The following EYA2 variants were observed in gnomAD, a reference collection of about 807,000 sequenced individuals.
EYA2 encodes protein phosphatase EYA2.
A neutral mutation model predicts 69.2 loss-of-function variants in EYA2; 31 were observed. The ratio of observed to expected loss-of-function variants is 0.45; its 90% confidence interval spans 0.34 to 0.60. The LOEUF (loss-of-function observed/expected upper bound fraction) is 0.60. Among genes scored for constraint, EYA2 ranks in the 20% least tolerant of loss-of-function variants. EYA2 has a pLI of 0.02. For missense variants in EYA2, 622 were observed against 701.2 expected (o/e 0.89, Z 1.28); for synonymous variants, 257 against 279.4 (o/e 0.92, Z 0.80).
chr20:47,110,917 C>T (rs2032732144), intron 9 of EYA2, among the ~76,000 whole-genome samples: 2 of 152,232 alleles, frequency 1.3e-5, no homozygotes, highest in South Asian at 2.1e-4. Context: ...GAGCCTGGCC[C>T]ACAGCAGGGT....
chr20:46,955,277 G>A (rs578233434), intron 1 of EYA2, among the ~76,000 whole-genome samples: 6 of 152,148 alleles, frequency 3.9e-5, no homozygotes, highest in South Asian at 2.1e-4. Context: ...GATTACAGGC[G>A]TGAGCCACCA....
intron 12 of EYA2, among the ~76,000 whole-genome samples, chr20:47,179,296 G>T (rs536481397): frequency 7.4e-6 from 1 of 134,232 alleles, no homozygotes; most frequent in Non-Finnish European, 1.6e-5. Flanking sequence ...ATGGGTGGAT[G>T]GGTGGGTGGG....
chr20:46,996,669 A>T (rs756144429), intron 2 of EYA2, among the ~76,000 whole-genome samples: 4 of 152,184 alleles, frequency 2.6e-5, no homozygotes, highest in East Asian at 1.9e-4. Context: ...GCCTTGGCTC[A>T]CTGTATTAGT....
intron 9 of EYA2, among the ~76,000 whole-genome samples, chr20:47,124,331 C>CT (rs2033124809): frequency 6.6e-6 from 1 of 152,122 alleles, no homozygotes; most frequent in Middle Eastern, 3.2e-3. Flanking sequence ...AAGATGGAGT[C>CT]TTTTTCTAAG....
chr20:47,141,542 G>A (rs529546253), intron 9 of EYA2, among the ~76,000 whole-genome samples: 19 of 152,300 alleles, frequency 1.2e-4, no homozygotes, highest in African/African-American at 4.6e-4. Flanking sequence ...GTAAGGGCAT[G>A]CTGCAGTAAC....
chr20:46,969,307 T>C (rs1304393761), intron 1 of EYA2, among the ~76,000 whole-genome samples: 1 of 152,114 alleles, frequency 6.6e-6, no homozygotes, highest in Non-Finnish European at 1.5e-5. Context: ...AACCTCCGCC[T>C]CCTGGGCTCA....
chr20:47,176,083 T>C (rs1392160429), intron 12 of EYA2, among the ~76,000 whole-genome samples: 2 of 148,270 alleles, frequency 1.3e-5, no homozygotes, highest in African/African-American at 2.5e-5. Context: ...ATTCTTTTTT[T>C]TTTTTTTTTT....
intron 11 of EYA2, 107 bp from the exon 12 acceptor site, chr20:47,172,600 G>A: frequency 1.7e-6 from 2 of 1,197,160 alleles, no homozygotes; most frequent in Non-Finnish European, 2.3e-6. Context: ...AGGGGCTCAT[G>A]GACACCCAAA....
At chr20:47,029,749 CTTTTTCT>C (rs1984298462) in intron 5 of EYA2, among the ~76,000 whole-genome samples, 1 of 152,196 alleles carries the variant, frequency 6.6e-6, no homozygotes, top group African/African-American at 2.4e-5. Flanking sequence ...CACCCCATCT[CTTTTTCT>C]TTTTTCTACA....
intron 4 of EYA2, among the ~76,000 whole-genome samples, chr20:47,015,172 G>A (rs1983333757): frequency 6.6e-6 from 1 of 152,190 alleles, no homozygotes. Context: ...CAGAAGAGCT[G>A]GGGTTTGAGG....
chr20:47,010,316 C>G (rs146174670), intron 4 of EYA2, among the ~76,000 whole-genome samples: 1,970 of 152,286 alleles, frequency 0.013, 29 homozygotes, highest in African/African-American at 0.035. Flanking sequence ...CACAGTCCCT[C>G]TCATGCTGCT....
At chr20:47,046,363 C>T (rs2030036970) in intron 5 of EYA2, among the ~76,000 whole-genome samples, 1 of 152,190 alleles carries the variant, frequency 6.6e-6, no homozygotes, top group African/African-American at 2.4e-5. Context: ...CACTGTGAGA[C>T]AGAAGGAAAG....
chr20:46,976,420 C>CT (rs774697710), intron 1 of EYA2, among the ~76,000 whole-genome samples: 3 of 67,922 alleles, frequency 4.4e-5, no homozygotes, highest in Admixed American at 2.3e-4. Flanking sequence ...GAGTCTCACT[C>CT]TGTCACCCAG....
At chr20:47,126,831 G>C (rs2033202693) in intron 9 of EYA2, among the ~76,000 whole-genome samples, 1 of 152,170 alleles carries the variant, frequency 6.6e-6, no homozygotes, top group Admixed American at 6.5e-5. Flanking sequence ...ACTGAATTTA[G>C]TGGGTAGAGG....
intron 3 of EYA2, among the ~76,000 whole-genome samples, chr20:47,002,656 G>A (rs950669470): frequency 6.6e-6 from 1 of 152,130 alleles, no homozygotes; most frequent in Non-Finnish European, 1.5e-5. Context: ...AAATTGTGCT[G>A]CAATGAACAT....
At chr20:47,167,777 C>G (rs2034232557) in intron 10 of EYA2, among the ~76,000 whole-genome samples, 1 of 152,110 alleles carries the variant, frequency 6.6e-6, no homozygotes, top group South Asian at 2.1e-4. Context: ...AAACTTCCCA[C>G]CTCAAGATCT....
intron 2 of EYA2, among the ~76,000 whole-genome samples, chr20:46,995,300 T>C (rs1244068350): frequency 2.0e-5 from 3 of 152,212 alleles, no homozygotes; most frequent in Admixed American, 6.5e-5. Context: ...ATGGTCTTGT[T>C]GTGATTCTAA....
At chr20:47,108,428 G>A (rs1022358051) in intron 9 of EYA2, among the ~76,000 whole-genome samples, 1 of 152,148 alleles carries the variant, frequency 6.6e-6, no homozygotes, top group Non-Finnish European at 1.5e-5. Flanking sequence ...TGCAGATGCT[G>A]TTGCCATGCT....
intron 1 of EYA2, among the ~76,000 whole-genome samples, chr20:46,905,936 T>TTC (rs1984330643): frequency 6.6e-6 from 1 of 152,164 alleles, no homozygotes; most frequent in South Asian, 2.1e-4. Flanking sequence ...CATTCCTTAC[T>TTC]GTTCTTCAGG....
Sources: gnomAD v4.1 joint callset for allele counts (sites outside exome capture counted in the v4.1 genomes callset) on GRCh38, gnomAD v4.1.1 for gene constraint, MANE v1.5 for transcripts, NCBI Gene and HGNC (gene_info 2026-07-23, HGNC 2026-07-21) for gene names.